NOX3: variants seen among roughly 807,000 people sequenced by gnomAD.
NOX3 encodes the protein NADPH oxidase 3.
NOX3 carries 74 observed loss-of-function variants against 76.7 expected under a neutral mutation model. The ratio of observed to expected loss-of-function variants is 0.96; its 90% CI spans 0.80 to 1.17. The LOEUF is 1.17. Among genes scored for constraint, NOX3 ranks in the 50% most tolerant of loss-of-function variants. The probability of loss-of-function intolerance (pLI) is 0.00; values close to 1 mark genes in which losing one functional copy is unlikely to be tolerated. For missense variants in NOX3, 695 were observed against 703.3 expected, an observed-to-expected ratio of 0.99 and a Z score of 0.13; for synonymous variants, 263 against 261.1, an observed-to-expected ratio of 1.01 and a Z score of -0.07.
chr6:155,421,938 C>A (rs750910589), intron 10 of NOX3, among the ~76,000 whole-genome samples: 1 of 152,100 alleles, frequency 6.6e-6, no homozygotes, highest in Non-Finnish European at 1.5e-5. Context: ...CACATTGAGA[C>A]CTGGTGGTTA....
Position 155,443,410 on chromosome 6 carries a change from T to A in NOX3, c.349A>T (p.Ile117Phe), listed in dbSNP as rs1439393687. ...TCCAGGTTGAAGAAATGCGCCACGA[T>A]GTGGATGGCTAGGACAAGGAGATGA... ...YGIAVNATIH[I>F]VAHFFNLERY... The change falls in exon 5 of 14, where the codon ATC (isoleucine) becomes TTC (phenylalanine). Residue 117 changes from isoleucine (I) to phenylalanine (F), a missense_variant. By Grantham distance (21) the Ile-to-Phe change is conservative (BLOSUM62 0). Coordinates refer to ENST00000159060, the MANE Select transcript of NOX3 (RefSeq NM_015718.3). The A allele has an allele frequency of 6.2e-7, 1 of 1,613,830 alleles. No individual in the cohort carries two copies.
chr6:155,414,602 T>G (rs1776599195), intron 10 of NOX3, among the ~76,000 whole-genome samples: 1 of 151,432 alleles, frequency 6.6e-6, no homozygotes, highest in South Asian at 2.1e-4. Flanking sequence ...ATCCAACACT[T>G]TTTTTTCTTT....
intron 10 of NOX3, among the ~76,000 whole-genome samples, chr6:155,414,648 G>A (rs1288557802): frequency 4.1e-5 from 4 of 98,252 alleles, no homozygotes; most frequent in African/African-American, 1.4e-4. Context: ...TTTTTTTTGA[G>A]AGGGAGTCTC....
In NOX3 at chr6:155,426,984, C is replaced by CGTGTGTGTGTGTGTGTGT. The variant is rs764029957; in HGVS notation, c.1145+1792_1145+1809dup. Among the ~76,000 whole-genome samples the CGTGTGTGTGTGTGTGTGT allele has an allele frequency of 4.3e-3, 179 of 41,912 alleles. 5 individuals carry two copies. Among genetic ancestry groups the CGTGTGTGTGTGTGTGTGT allele is most frequent in the East Asian group, 0.024 (15 of 622 alleles). The allele number at this position is 41,912 out of a possible 152,430, so 27.5% of individuals were successfully genotyped here. On this transcript the variant is annotated intron_variant, in intron 9 of 13. Transcript: ENST00000159060. ...CCGAGAAAGCAGTTAGACACTGTGG[C>CGTGTGTGTGTGTGTGTGT]GTGTGTGTGTGTGTGTGTGTGTGTG... is the stretch of plus-strand genomic sequence containing the variant.
chr6:155,434,295 G>A (rs1424670367), intron 7 of NOX3, among the ~76,000 whole-genome samples: 1 of 152,218 alleles, frequency 6.6e-6, no homozygotes, highest in Admixed American at 6.5e-5. Flanking sequence ...TGGTTACGAT[G>A]AGTTGATGCT....
intron 4 of NOX3, among the ~76,000 whole-genome samples, chr6:155,447,780 C>T (rs1777082706): frequency 6.6e-6 from 1 of 152,230 alleles, no homozygotes; most frequent in Non-Finnish European, 1.5e-5. Context: ...TTATTTTCCT[C>T]TTAGATCTGA....
At chr6:155,420,750 A>G (rs1315739731) in intron 10 of NOX3, among the ~76,000 whole-genome samples, 3 of 152,230 alleles carry the variant, frequency 2.0e-5, no homozygotes, top group Admixed American at 1.3e-4. Flanking sequence ...ATGGCATGAG[A>G]TAGTGCATGT....
chr6:155,414,194 G>A (rs1313132833), intron 10 of NOX3, among the ~76,000 whole-genome samples: 2 of 152,114 alleles, frequency 1.3e-5, no homozygotes, highest in Non-Finnish European at 2.9e-5. Flanking sequence ...AGAAAGAAAG[G>A]GACTTTGAAC....
At chr6:155,409,710 T>A (rs1776516372) in intron 11 of NOX3, among the ~76,000 whole-genome samples, 1 of 152,214 alleles carries the variant, frequency 6.6e-6, no homozygotes, top group Non-Finnish European at 1.5e-5. Context: ...TTCCTTTAAA[T>A]GTGGAAATTA....
chr6:155,449,793 T>C (rs1401643309), intron 4 of NOX3, among the ~76,000 whole-genome samples: 1 of 152,148 alleles, frequency 6.6e-6, no homozygotes, highest in Non-Finnish European at 1.5e-5. Context: ...GTTACACACC[T>C]CTATTAAGCC....
At chr6:155,445,876 A>ATATATATGCTATATATATATT (rs1554264788) in intron 4 of NOX3, among the ~76,000 whole-genome samples, 1 of 122,842 alleles carries the variant, frequency 8.1e-6, no homozygotes, top group East Asian at 4.8e-4. Context: ...ATACATATAT[A>ATATATATGCTATATATATATT]TATATATATG....
At chr6:155,406,533 T>C (rs1776463469) in intron 12 of NOX3, among the ~76,000 whole-genome samples, 1 of 152,228 alleles carries the variant, frequency 6.6e-6, no homozygotes, top group African/African-American at 2.4e-5. Context: ...GCAAACTCCA[T>C]ACAAAGCACC....
chr6:155,425,437 G>A (rs1168819492), intron 9 of NOX3, among the ~76,000 whole-genome samples: 15 of 152,212 alleles, frequency 9.9e-5, no homozygotes, highest in Middle Eastern at 3.4e-3. Flanking sequence ...TGTCCTGTGA[G>A]TCCTTGCTGG....
chr6:155,410,952 C>A (rs1364606129), intron 11 of NOX3, among the ~76,000 whole-genome samples: 2 of 152,184 alleles, frequency 1.3e-5, no homozygotes, highest in Admixed American at 6.5e-5. Flanking sequence ...TTTGGGATTT[C>A]CAGCCTCTGG....
At chr6:155,437,849 C>G (rs1465157408) in intron 6 of NOX3, among the ~76,000 whole-genome samples, 1 of 152,154 alleles carries the variant, frequency 6.6e-6, no homozygotes, top group East Asian at 1.9e-4. Flanking sequence ...TCCAATAATC[C>G]TACTTTCACT....
intron 11 of NOX3, among the ~76,000 whole-genome samples, chr6:155,408,277 C>T (rs1776490946): frequency 6.6e-6 from 1 of 152,184 alleles, no homozygotes; most frequent in Non-Finnish European, 1.5e-5. Context: ...TGAGCCACTG[C>T]ACCTGGCCAT....
chr6:155,436,633 A>G, intron 6 of NOX3, 86 bp from the exon 7 acceptor site: 1 of 1,386,894 alleles, frequency 7.2e-7, no homozygotes, highest in Non-Finnish European at 9.9e-7. Flanking sequence ...ACAGGTATAT[A>G]TCCTACAGTG....
chr6:155,407,952 TTTTG>T (rs1384113629), intron 11 of NOX3, among the ~76,000 whole-genome samples: 2 of 152,192 alleles, frequency 1.3e-5, no homozygotes, highest in East Asian at 3.9e-4. Context: ...TTGTGATCAT[TTTTG>T]TTTGTTTGTT....
At chr6:155,412,675 C>T (rs1264532748) in intron 10 of NOX3, among the ~76,000 whole-genome samples, 3 of 152,176 alleles carry the variant, frequency 2.0e-5, no homozygotes, top group African/African-American at 7.2e-5. Context: ...GATCTCTGCA[C>T]AGCCTCTCCA....
Sources: allele counts gnomAD v4.1 joint callset (sites outside exome capture counted in the v4.1 genomes callset), GRCh38; gene constraint gnomAD v4.1.1; transcripts MANE v1.5; gene names NCBI Gene and HGNC (gene_info 2026-07-23, HGNC 2026-07-21).